PALD1: variants seen among roughly 807,000 people sequenced by gnomAD.
The protein encoded by PALD1 is paladin.
In PALD1, 57 loss-of-function variants were observed where a neutral mutation model predicts 96.0. The ratio of observed to expected loss-of-function variants is 0.59; its 90% CI spans 0.48 to 0.74. PALD1 has a LOEUF of 0.74. Ranked by LOEUF, PALD1 falls within the 30% of genes least tolerant of loss-of-function variation. The pLI is 0.00. For synonymous variants in PALD1, 464 were observed against 473.6 expected (o/e 0.98, Z 0.26); for missense variants, 1,063 against 1,143.7 (o/e 0.93, Z 1.02).
At chr10:70,470,507 C>G in the PALD1 span, among the ~76,000 whole-genome samples, 1 of 16,122 alleles carries the variant, frequency 6.2e-5, no homozygotes, top group Non-Finnish European at 2.3e-4. Flanking sequence ...TGTATACAAG[C>G]CTATAAGTGT....
At chr10:70,554,923 TCCC>T (rs1564710346) in intron 18 of PALD1, among the ~76,000 whole-genome samples, 1 of 8,066 alleles carries the variant, frequency 1.2e-4, no homozygotes, top group Non-Finnish European at 2.4e-4. Flanking sequence ...TCTCCTCCCC[TCCC>T]CCTCCTCCCC....
intron 1 of PALD1, among the ~76,000 whole-genome samples, chr10:70,514,417 T>G (rs760018724): frequency 3.9e-5 from 6 of 152,120 alleles, no homozygotes; most frequent in Non-Finnish European, 8.8e-5. Context: ...GAGAAACACA[T>G]AATTTAGCAG....
chr10:70,531,566 G>A, intron 5 of PALD1, 112 bp downstream of exon 5: 2 of 1,046,018 alleles, frequency 1.9e-6, no homozygotes, highest in Non-Finnish European at 2.7e-6. Flanking sequence ...CCACTGTTGT[G>A]CCCTGCTTGG....
intron 17 of PALD1, among the ~76,000 whole-genome samples, chr10:70,545,755 C>G (rs970740772): frequency 6.0e-5 from 9 of 150,940 alleles, no homozygotes; most frequent in Non-Finnish European, 1.0e-4. Flanking sequence ...GGAATTATAT[C>G]AGATGAGTGG....
At chr10:70,560,887 T>C (rs1348607616) in intron 18 of PALD1, among the ~76,000 whole-genome samples, 1 of 151,960 alleles carries the variant, frequency 6.6e-6, no homozygotes, top group Middle Eastern at 3.2e-3. Context: ...AGCTCCACTA[T>C]TTTTATCAAC....
intron 8 of PALD1, 147 bp from the exon 9 acceptor site, chr10:70,534,278 G>A: frequency 1.3e-6 from 1 of 754,208 alleles, no homozygotes; most frequent in Non-Finnish European, 2.1e-6. Flanking sequence ...TCCCTAGTTG[G>A]GGAAATGTCC....
intron 18 of PALD1, among the ~76,000 whole-genome samples, chr10:70,547,971 T>C (rs10999384): frequency 0.12 from 17,861 of 152,140 alleles, 1,339 homozygotes; most frequent in South Asian, 0.18. Context: ...GGGTGTTTTT[T>C]ATCTGTAAAA....
Position 70,566,783 on chromosome 10 carries a change from G to A in PALD1, c.*50G>A. On this transcript the variant is annotated 3_prime_UTR_variant, in exon 20 of 20. Coordinates refer to ENST00000263563, the MANE Select transcript of PALD1 (RefSeq NM_014431.3). ...CCCACAGGGCCCCACGCAGGCCTGG[G>A]GTGTCTGAGGTGCTCTTGGCTGGGA... is the stretch of plus-strand genomic sequence containing the variant. 1 of 1,297,892 alleles carries A rather than the reference G, an allele frequency of 7.7e-7. No individual in the cohort carries two copies. The highest frequency in any genetic ancestry group is 1.1e-6 in the Non-Finnish European group (1 of 942,206). The allele number at this position is 1,297,892 out of a possible 1,614,324, so 80.4% of individuals were successfully genotyped here.
Position 70,534,047 on chromosome 10 carries a change from C to T in PALD1, c.996C>T (p.His332=). 3.1e-6 allele frequency: 5 copies of T among 1,609,208 alleles called. No individual in the cohort carries two copies. The highest frequency in any genetic ancestry group is 4.2e-6 in the Non-Finnish European group (5 of 1,177,252). ...GMVLGTLILL[H]RSGTTSQPEA... is the part of the protein sequence containing the mutation. ...TCCTGGGCACCCTCATCCTGCTTCA[C>T]CGCAGTGGGACCACCTCCCAGCCAG... Residue 332 remains histidine, a synonymous_variant, in exon 8 of 20, where the codon CAC becomes CAT. Coordinates refer to ENST00000263563, the MANE Select transcript of PALD1 (RefSeq NM_014431.3).
At position 70,496,360 on chromosome 10, in the gene PALD1, T is replaced by C. The variant is rs545740614; in HGVS notation, c.-30+17301T>C. ...TATCACCTGTGTCTCCCTACCCAGA[T>C]CAAGGTGTAGAACATTTCCAGTGCC... is the stretch of plus-strand genomic sequence containing the variant. On this transcript the variant is annotated intron_variant, in intron 1 of 19. Transcript: ENST00000263563. Among the ~76,000 whole-genome samples, 3 of 152,314 alleles carry C rather than the reference T, an allele frequency of 2.0e-5. No individual in the cohort carries two copies. In the East Asian group the frequency reaches 5.8e-4, roughly 29 times the overall value.
chr10:70,458,929 C>T, the PALD1 span, among the ~76,000 whole-genome samples: 10,586 of 152,290 alleles, frequency 0.07, 922 homozygotes, highest in East Asian at 0.38. Context: ...GGTGCGTGGG[C>T]AGGAGAGTCA....
intron 1 of PALD1, among the ~76,000 whole-genome samples, chr10:70,513,479 C>T (rs1036380187): frequency 6.6e-6 from 1 of 152,140 alleles, no homozygotes; most frequent in Non-Finnish European, 1.5e-5. Flanking sequence ...CACTGCCCTC[C>T]AGCCTGGGCG....
chr10:70,468,615 C>T, the PALD1 span, among the ~76,000 whole-genome samples: 1 of 152,036 alleles, frequency 6.6e-6, no homozygotes, highest in Admixed American at 6.6e-5. Context: ...CCTGCCTTTG[C>T]CCACAAGGAG....
At chr10:70,561,777 G>T (rs536215763) in intron 18 of PALD1, among the ~76,000 whole-genome samples, 1 of 152,112 alleles carries the variant, frequency 6.6e-6, no homozygotes, top group Non-Finnish European at 1.5e-5. Context: ...CTGGGAGGGG[G>T]TTCCCTGGGG....
chr10:70,507,042 A>G (rs1846404180), intron 1 of PALD1, among the ~76,000 whole-genome samples: 1 of 152,186 alleles, frequency 6.6e-6, no homozygotes, highest in South Asian at 2.1e-4. Context: ...CACAACACAG[A>G]CACCTGCAAA....
In PALD1 at chr10:70,562,503, T is replaced by A. The variant is rs1053248696; in HGVS notation, c.2263-1861T>A. The stretch of plus-strand genomic sequence containing the variant: ...GGCTAAGGAGGAGATGCATGTAGGC[T>A]GATGTTGTGTTCCTGTGCGGAAGGG... On this transcript the variant is annotated intron_variant, in intron 18 of 19. Coordinates refer to ENST00000263563, the MANE Select transcript of PALD1 (RefSeq NM_014431.3). 2.0e-5 allele frequency among the ~76,000 whole-genome samples: 3 copies of A among 152,302 alleles called. No homozygotes were observed. In the South Asian group the frequency reaches 6.2e-4, roughly 32 times the overall value.
intron 1 of PALD1, among the ~76,000 whole-genome samples, chr10:70,505,603 T>TCAAAACAAAACAAAA: frequency 6.7e-6 from 1 of 150,008 alleles, no homozygotes; most frequent in African/African-American, 2.5e-5. Context: ...AAACTCTGTC[T>TCAAAACAAAACAAAA]CAAAACAAAA....
chr10:70,465,258 G>A, the PALD1 span, among the ~76,000 whole-genome samples: 1 of 152,300 alleles, frequency 6.6e-6, no homozygotes, highest in South Asian at 2.1e-4. Flanking sequence ...ACAGGCGTGA[G>A]CCACCGCACC....
intron 1 of PALD1, among the ~76,000 whole-genome samples, chr10:70,497,492 T>C (rs1181785187): frequency 1.3e-5 from 2 of 152,038 alleles, no homozygotes; most frequent in Non-Finnish European, 2.9e-5. Flanking sequence ...TTTAGCTCTT[T>C]CCATATCTGC....
Sources: allele counts gnomAD v4.1 joint callset (sites outside exome capture counted in the v4.1 genomes callset), GRCh38; gene constraint gnomAD v4.1.1; transcripts MANE v1.5; gene names NCBI Gene and HGNC (gene_info 2026-07-23, HGNC 2026-07-21).